Variants in FER observed in about 807,000 individuals in gnomAD.
FER encodes the protein FER tyrosine kinase, also known as tyrosine-protein kinase Fer.
A neutral mutation model predicts 111.0 loss-of-function variants in FER; 63 were observed. The ratio of observed to expected loss-of-function variants is 0.57; its 90% CI spans 0.46 to 0.70. The LOEUF (loss-of-function observed/expected upper bound fraction) is 0.70. Among genes scored for constraint, FER ranks in the 30% least tolerant of loss-of-function variants. The pLI, the probability that FER is intolerant of heterozygous loss-of-function variation, is 0.00. For missense variants in FER, 914 were observed against 954.0 expected, an observed-to-expected ratio of 0.96 and a Z score of 0.55; for synonymous variants, 327 against 313.9, an observed-to-expected ratio of 1.04 and a Z score of -0.44.
At chr5:108,760,230 C>T (rs183291029) in intron 1 of FER, among the ~76,000 whole-genome samples, 82 of 146,504 alleles carry the variant, frequency 5.6e-4, no homozygotes, top group African/African-American at 2.0e-3. Flanking sequence ...ATGCTGTAAA[C>T]AGATGTGCTG....
chr5:109,147,434 A>G (rs1292547979), intron 17 of FER, among the ~76,000 whole-genome samples: 1 of 152,042 alleles, frequency 6.6e-6, no homozygotes, highest in Non-Finnish European at 1.5e-5. Flanking sequence ...ATGTCTAGGA[A>G]TATATTCTGT....
At position 109,193,756 on chromosome 5, in the gene FER, T is replaced by G. The variant is rs891509415; in HGVS notation, c.*6181T>G. 1 of 152,198 alleles carries G rather than the reference T, an allele frequency of 6.6e-6. No individual in the cohort carries two copies. The highest frequency in any genetic ancestry group is 2.4e-5 in the African/African-American group (1 of 41,446). 9.4% of individuals were successfully genotyped at this position (152,198 alleles called of 1,614,324 possible). ...TTTGCTTTACCAAAATAGTAAAGCC[T>G]TTATCATCAGCTTATATTGAATAAT... On this transcript the variant is annotated 3_prime_UTR_variant, in exon 20 of 20. Transcript: ENST00000281092.
chr5:108,982,747 A>G (rs1345445723), intron 13 of FER, among the ~76,000 whole-genome samples: 5 of 152,136 alleles, frequency 3.3e-5, no homozygotes, highest in Admixed American at 2.0e-4. Flanking sequence ...GCTACTATGA[A>G]GATTATTTCT....
chr5:108,921,872 T>C (rs1016455541), intron 10 of FER, among the ~76,000 whole-genome samples: 4 of 152,152 alleles, frequency 2.6e-5, no homozygotes, highest in Admixed American at 6.5e-5. Context: ...TCTGTTATGG[T>C]TTGAATTATG....
At chr5:109,031,099 C>T (rs899841365) in intron 13 of FER, among the ~76,000 whole-genome samples, 2 of 152,070 alleles carry the variant, frequency 1.3e-5, no homozygotes, top group Non-Finnish European at 2.9e-5. Flanking sequence ...AGTCAATCCC[C>T]TTGAAGGTGG....
intron 13 of FER, among the ~76,000 whole-genome samples, chr5:108,962,145 T>C (rs1759230122): frequency 6.6e-6 from 1 of 152,178 alleles, no homozygotes; most frequent in South Asian, 2.1e-4. Flanking sequence ...GATTAAATTG[T>C]TTAACTTTCT....
intron 17 of FER, among the ~76,000 whole-genome samples, chr5:109,113,534 A>G (rs1459473328): frequency 2.6e-5 from 4 of 152,180 alleles, no homozygotes; most frequent in African/African-American, 7.2e-5. Flanking sequence ...AAATTTACTT[A>G]CATTTTTCAT....
At chr5:108,773,783 A>C (rs1753182548) in intron 2 of FER, among the ~76,000 whole-genome samples, 1 of 152,092 alleles carries the variant, frequency 6.6e-6, no homozygotes, top group East Asian at 1.9e-4. Context: ...TGTCTTCCAC[A>C]ATGGTTGAAC....
chr5:108,749,066 G>A, intron 1 of FER: 1 of 152,806 alleles, frequency 6.5e-6, no homozygotes, highest in Non-Finnish European at 1.5e-5. Flanking sequence ...GGAAGAGGAG[G>A]GAAGGCAAGC....
At chr5:108,944,601 C>T (rs1756722812) in intron 10 of FER, among the ~76,000 whole-genome samples, 1 of 152,018 alleles carries the variant, frequency 6.6e-6, no homozygotes, top group Admixed American at 6.6e-5. Flanking sequence ...GAATTCAGCA[C>T]AGTCTGATGT....
chr5:108,813,750 G>A (rs377338829), intron 3 of FER, among the ~76,000 whole-genome samples: 1 of 151,970 alleles, frequency 6.6e-6, no homozygotes, highest in East Asian at 1.9e-4. Flanking sequence ...TTCTTTCCCT[G>A]ATCACTTATT....
intron 10 of FER, 101 bp downstream of exon 10, chr5:108,897,949 T>A (rs1335310979): frequency 1.9e-6 from 2 of 1,080,384 alleles, no homozygotes; most frequent in South Asian, 3.7e-5. Flanking sequence ...ATTGTTACTC[T>A]TGTTAATATG....
At chr5:108,993,493 A>G (rs911806492) in intron 13 of FER, among the ~76,000 whole-genome samples, 2 of 152,082 alleles carry the variant, frequency 1.3e-5, no homozygotes, top group African/African-American at 4.8e-5. Context: ...GCAGCAGTAC[A>G]GTCCAGCTTC....
intron 10 of FER, among the ~76,000 whole-genome samples, chr5:108,925,193 G>A (rs1188919504): frequency 1.3e-5 from 2 of 151,350 alleles, no homozygotes; most frequent in Non-Finnish European, 3.0e-5. Context: ...ATGATATTAA[G>A]ATTTCTATTT....
intron 5 of FER, among the ~76,000 whole-genome samples, chr5:108,857,524 G>T (rs1163177909): frequency 6.6e-6 from 1 of 151,952 alleles, no homozygotes; most frequent in Non-Finnish European, 1.5e-5. Context: ...AATAAGTATT[G>T]TAGGGAAAAC....
chr5:109,048,719 T>C (rs1262539519), intron 16 of FER, among the ~76,000 whole-genome samples: 6 of 152,162 alleles, frequency 3.9e-5, no homozygotes. Flanking sequence ...ACAGTCTAAT[T>C]ATATCTCAAA....
intron 17 of FER, among the ~76,000 whole-genome samples, chr5:109,107,406 G>A (rs1749070547): frequency 6.6e-6 from 1 of 152,074 alleles, no homozygotes; most frequent in African/African-American, 2.4e-5. Context: ...ACAGGGGGTT[G>A]TTGTACAGAT....
At chr5:108,845,067 T>TATATATATATATACACACAC (rs1486282738) in intron 5 of FER, among the ~76,000 whole-genome samples, 1 of 53,854 alleles carries the variant, frequency 1.9e-5, no homozygotes, top group Non-Finnish European at 3.5e-5. Flanking sequence ...TATATATATA[T>TATATATATATATACACACAC]ACACACACAC....
chr5:108,960,732 A>G (rs1759035811), intron 13 of FER, among the ~76,000 whole-genome samples: 1 of 152,140 alleles, frequency 6.6e-6, no homozygotes, highest in African/African-American at 2.4e-5. Context: ...CAAAACTGAA[A>G]TTGTTCAAAT....
Sources: gnomAD v4.1 joint callset for allele counts (sites outside exome capture counted in the v4.1 genomes callset) on GRCh38, gnomAD v4.1.1 for gene constraint, MANE v1.5 for transcripts, NCBI Gene and HGNC (gene_info 2026-07-23, HGNC 2026-07-21) for gene names.